Variants in AKR1B1 observed in about 807,000 individuals in gnomAD.
The protein encoded by AKR1B1 is aldo-keto reductase family 1 member B.
A neutral mutation model predicts 40.4 loss-of-function variants in AKR1B1; 22 were observed. That is an observed-to-expected ratio of 0.54 (90% CI 0.39 to 0.78). The LOEUF (loss-of-function observed/expected upper bound fraction) is 0.78. Ranked by LOEUF, AKR1B1 falls within the 30% of genes least tolerant of loss-of-function variation. The pLI is 0.00. For missense variants in AKR1B1, 357 were observed against 396.7 expected, an observed-to-expected ratio of 0.90 and a Z score of 0.85; for synonymous variants, 157 against 149.9, an observed-to-expected ratio of 1.05 and a Z score of -0.35.
intron 9 of AKR1B1, chr7:134,444,924 A>G: frequency 2.1e-6 from 1 of 481,838 alleles, no homozygotes; most frequent in Non-Finnish European, 3.8e-6. Flanking sequence ...ATCCAGGGTC[A>G]CCTGGGATCA....
At chr7:134,446,730 G>A (rs1280114384) in intron 8 of AKR1B1, among the ~76,000 whole-genome samples, 1 of 152,212 alleles carries the variant, frequency 6.6e-6, no homozygotes, top group Admixed American at 6.5e-5. Context: ...ATCATCACAC[G>A]AACTCCTTGC....
At chr7:134,449,855 C>T in intron 3 of AKR1B1, 58 bp from the exon 4 acceptor site, 1 of 1,408,048 alleles carries the variant, frequency 7.1e-7, no homozygotes, top group Non-Finnish European at 1.0e-6. Context: ...CTTCACAGAC[C>T]TGCTGGGGGA....
chr7:134,451,176 T>C (rs1806275193), intron 2 of AKR1B1: 5 of 565,094 alleles, frequency 8.8e-6, no homozygotes, highest in Non-Finnish European at 1.6e-5. Context: ...CTCTCGAAAC[T>C]TTCCCCCCGG....
At chr7:134,446,946 C>G (rs1209584394) in intron 8 of AKR1B1, among the ~76,000 whole-genome samples, 13 of 152,066 alleles carry the variant, frequency 8.5e-5, no homozygotes, top group Non-Finnish European at 1.5e-5. Flanking sequence ...AGCGACTTGC[C>G]CAGGGTTATG....
intron 1 of AKR1B1, among the ~76,000 whole-genome samples, chr7:134,456,477 G>A (rs543604172): frequency 2.0e-5 from 3 of 151,968 alleles, no homozygotes; most frequent in Non-Finnish European, 4.4e-5. Context: ...GGGGTTACAG[G>A]TGTGAGCCAC....
Position 134,449,301 on chromosome 7 carries a change from A to C in AKR1B1, c.430-182T>G, listed in dbSNP as rs930311799. The C allele has an allele frequency of 9.3e-6, 8 of 862,120 alleles. No individual in the cohort carries two copies. In the African/African-American group the frequency reaches 1.2e-4, roughly 13 times the overall value. The allele number at this position is 862,120 out of a possible 1,614,324, so 53.4% of individuals were successfully genotyped here. A position where few individuals can be genotyped will look rare whatever the true frequency, so the allele number is the denominator to read the frequency against. On this transcript the variant is annotated intron_variant, in intron 4 of 9. Coordinates refer to ENST00000285930, the MANE Select transcript of AKR1B1 (RefSeq NM_001628.4). ...TGGCTTTAATGAGATAAGAAGAGCA[A>C]ACAGGCCGGGCGCGGTGGCTCACGC...
At chr7:134,442,997 C>G (rs1805985042) in intron 9 of AKR1B1, among the ~76,000 whole-genome samples, 1 of 152,170 alleles carries the variant, frequency 6.6e-6, no homozygotes. Flanking sequence ...TGAGGGACAC[C>G]ACCCTCCCCA....
rs570935582 is a variant in AKR1B1, at chr7:134,450,525, T to C, written c.351+261A>G. Reference sequence around the variant, plus strand: ...AGTTTTAAATTGCACATCTACCAACTGGCAAAGAGCAGTGCTCCTCAAACT... The same window carrying C: ...AGTTTTAAATTGCACATCTACCAACCGGCAAAGAGCAGTGCTCCTCAAACT... On this transcript the variant is annotated intron_variant, in intron 3 of 9. Coordinates refer to ENST00000285930, the MANE Select transcript of AKR1B1 (RefSeq NM_001628.4). Among the ~76,000 whole-genome samples, 7 of 152,320 alleles carry C rather than the reference T, an allele frequency of 4.6e-5. No homozygotes were observed. The East Asian group carries it at 7.7e-4, about 17-fold the overall frequency.
Position 134,451,384 on chromosome 7 carries a change from C to G in AKR1B1, c.234+202G>C, listed in dbSNP as rs74699102. ...TCAGCACGGGACTCTAAGCAATGGG[C>G]CCAGATGGAATGACCATTCAACAGA... On this transcript the variant is annotated intron_variant, in intron 2 of 9. Transcript: ENST00000285930. 92 of 678,588 alleles carry G rather than the reference C, an allele frequency of 1.4e-4. No homozygotes were observed. In the East Asian group the frequency reaches 2.5e-3, roughly 19 times the overall value. The allele number at this position is 678,588 out of a possible 1,614,324, so 42.0% of individuals were successfully genotyped here. A position where few individuals can be genotyped will look rare whatever the true frequency, so the allele number is the denominator to read the frequency against.
At chr7:134,450,363 G>A (rs1806245222) in intron 3 of AKR1B1, among the ~76,000 whole-genome samples, 1 of 152,188 alleles carries the variant, frequency 6.6e-6, no homozygotes, top group Non-Finnish European at 1.5e-5. Flanking sequence ...GCCTCCACAG[G>A]ACAGGGTATG....
chr7:134,449,893 A>T (rs1806232956), intron 3 of AKR1B1, 96 bp from the exon 4 acceptor site: 1 of 979,708 alleles, frequency 1.0e-6, no homozygotes, highest in Non-Finnish European at 1.6e-6. Context: ...ATTCTAAACC[A>T]CCACAGCTGG....
chr7:134,443,691 C>G (rs1806010780), intron 9 of AKR1B1, among the ~76,000 whole-genome samples: 1 of 151,942 alleles, frequency 6.6e-6, no homozygotes, highest in East Asian at 1.9e-4. Context: ...GGCAGGAACA[C>G]TGGACAGATA....
At chr7:134,443,582 G>A (rs959824254) in intron 9 of AKR1B1, among the ~76,000 whole-genome samples, 2 of 151,542 alleles carry the variant, frequency 1.3e-5, no homozygotes, top group Non-Finnish European at 2.9e-5. Flanking sequence ...GGGAGCACAG[G>A]GCAGGGAGCA....
chr7:134,442,647 G>T lies in AKR1B1; in HGVS notation c.*81C>A. 7.0e-7 allele frequency: 1 copy of T among 1,427,582 alleles called. No individual in the cohort carries two copies. The highest frequency in any genetic ancestry group is 9.9e-7 in the Non-Finnish European group (1 of 1,015,152). 88.4% of individuals were successfully genotyped at this position (1,427,582 alleles called of 1,614,324 possible). On this transcript the variant is annotated 3_prime_UTR_variant, in exon 10 of 10. Coordinates refer to ENST00000285930, the MANE Select transcript of AKR1B1 (RefSeq NM_001628.4). ...GCTGTCCCACTGCTGAGTGACACAG[G>T]CCATACTACATTTGCAAGGAAAAAA...
chr7:134,449,617 G>T, intron 4 of AKR1B1, 103 bp downstream of exon 4: 2 of 990,454 alleles, frequency 2.0e-6, no homozygotes, highest in South Asian at 1.3e-5. Flanking sequence ...CAAACAACAG[G>T]GACAGAATAA....
At chr7:134,444,410 A>G (rs1474255499) in intron 9 of AKR1B1, among the ~76,000 whole-genome samples, 1 of 152,236 alleles carries the variant, frequency 6.6e-6, no homozygotes, top group African/African-American at 2.4e-5. Context: ...CCAGCAGTGC[A>G]AACTCCGGGG....
intron 2 of AKR1B1, 179 bp from the exon 3 acceptor site, chr7:134,451,081 C>T: frequency 1.5e-6 from 1 of 682,476 alleles, no homozygotes; most frequent in Non-Finnish European, 2.7e-6. Flanking sequence ...GCAGGATGAC[C>T]AGGTCACAGA....
At chr7:134,450,515 A>G (rs1806250593) in intron 3 of AKR1B1, among the ~76,000 whole-genome samples, 1 of 152,190 alleles carries the variant, frequency 6.6e-6, no homozygotes, top group Non-Finnish European at 1.5e-5. Context: ...TAAATTGCAC[A>G]TCTACCAACT....
chr7:134,458,289 C>T (rs1180172689), intron 1 of AKR1B1, among the ~76,000 whole-genome samples: 1 of 152,118 alleles, frequency 6.6e-6, no homozygotes, highest in Non-Finnish European at 1.5e-5. Flanking sequence ...AAATGCTAAC[C>T]TTGGCGCCTC....
Sources: allele counts gnomAD v4.1 joint callset (sites outside exome capture counted in the v4.1 genomes callset), GRCh38; gene constraint gnomAD v4.1.1; transcripts MANE v1.5; gene names NCBI Gene and HGNC (gene_info 2026-07-23, HGNC 2026-07-21).